Variants in MYH11 observed in about 807,000 individuals in gnomAD.
The protein encoded by MYH11 is myosin-11.
In MYH11, 80 loss-of-function variants were observed where a neutral mutation model predicts 246.6. That is an observed-to-expected ratio of 0.32 (90% CI 0.27 to 0.39). The LOEUF is 0.39. Ranked by LOEUF, MYH11 falls within the 10% of genes least tolerant of loss-of-function variation. The probability of loss-of-function intolerance (pLI) is 1.00; values close to 1 mark genes in which losing one functional copy is unlikely to be tolerated. For missense variants in MYH11, 2,158 were observed against 2,546.8 expected (o/e 0.85, Z 3.29); for synonymous variants, 1,071 against 1,015.5 (o/e 1.05, Z -1.04).
Position 15,784,730 on chromosome 16 carries a change from C to T in MYH11, c.633+1900G>A, listed in dbSNP as rs371799677. ...AAAGATGGGCCTTGCTGTGGTTGAA[C>T]AACACAGTATAAAACAAATGTCAGC... On this transcript the variant is annotated intron_variant, in intron 5 of 40. Transcript: ENST00000300036. 203 of 1,613,734 alleles carry T rather than the reference C, an allele frequency of 1.3e-4. No homozygotes were observed. The highest frequency in any genetic ancestry group is 1.6e-4 in the Non-Finnish European group (194 of 1,179,812).
At chr16:15,736,739 G>A (rs1167642182) in intron 25 of MYH11, among the ~76,000 whole-genome samples, 1 of 152,158 alleles carries the variant, frequency 6.6e-6, no homozygotes, top group African/African-American at 2.4e-5. Flanking sequence ...TAGAAGCAAT[G>A]ACATTGCTCC....
intron 19 of MYH11, 75 bp downstream of exon 19, chr16:15,747,495 T>C: frequency 3.2e-6 from 5 of 1,576,868 alleles, no homozygotes; most frequent in Non-Finnish European, 4.4e-6. Flanking sequence ...CCTCTTAGAA[T>C]CAGGGAATCA....
chr16:15,708,945 T>G lies in MYH11; in HGVS notation c.5787-4822A>C. ...AAGACATTTGCTTCGATTTAATAAT[T>G]AAAGGCACTCTTTTTTATTTTGAGA... On this transcript the variant is annotated intron_variant, in intron 40 of 40. Transcript: ENST00000300036. The G allele has an allele frequency of 3.3e-6, 4 of 1,195,954 alleles. No individual in the cohort carries two copies. In the East Asian group the frequency reaches 1.0e-4, roughly 30 times the overall value. The allele number at this position is 1,195,954 out of a possible 1,614,324, so 74.1% of individuals were successfully genotyped here. A position where few individuals can be genotyped will look rare whatever the true frequency, so the allele number is the denominator to read the frequency against.
At chr16:15,757,633 T>C (rs552668576) in intron 13 of MYH11, among the ~76,000 whole-genome samples, 194 bp downstream of exon 13, 1 of 151,596 alleles carries the variant, frequency 6.6e-6, no homozygotes, top group South Asian at 2.1e-4. Context: ...AAAATACCTT[T>C]GATATGAAAA....
chr16:15,784,511 C>A (rs1324986797), intron 5 of MYH11, among the ~76,000 whole-genome samples: 2 of 152,006 alleles, frequency 1.3e-5, no homozygotes, highest in African/African-American at 2.4e-5. Context: ...ACCCCCACAC[C>A]CTTCCCTGGC....
intron 28 of MYH11, chr16:15,726,433 C>T (rs960333881): frequency 5.7e-5 from 13 of 226,122 alleles, no homozygotes; most frequent in Admixed American, 1.0e-4. Flanking sequence ...TACAATGGTG[C>T]GGTCTCCGCA....
intron 28 of MYH11, chr16:15,725,348 A>G (rs1286437352): frequency 1.8e-6 from 1 of 559,848 alleles, no homozygotes; most frequent in East Asian, 3.0e-5. Flanking sequence ...CTGAGAGTCC[A>G]GACGAGGTGC....
intron 14 of MYH11, among the ~76,000 whole-genome samples, chr16:15,755,639 A>G (rs1317479098): frequency 6.6e-6 from 1 of 152,150 alleles, no homozygotes; most frequent in Non-Finnish European, 1.5e-5. Flanking sequence ...TAATTTAAAA[A>G]TTTAGCTGGG....
In MYH11 at chr16:15,724,404, G is replaced by A. The variant is rs377329568; in HGVS notation, c.4122C>T (p.Ser1374=). 84 of 1,613,808 alleles carry A rather than the reference G, an allele frequency of 5.2e-5. No homozygotes were observed. In the South Asian group the frequency reaches 5.7e-4, roughly 11 times the overall value. The part of the protein sequence containing the change: ...RHISTLNIQL[S]DSKKKLQDFA... ...AGTCCTGCAGCTTCTTCTTCGAGTC[G>A]GAGAGCTACAAGGACAGCGTCCAGG... Residue 1374 remains serine, a synonymous_variant, in exon 31 of 41, where the codon TCC becomes TCT. Coordinates refer to ENST00000300036, the MANE Select transcript of MYH11 (RefSeq NM_002474.3).
At position 15,703,925 on chromosome 16, in the gene MYH11, G is replaced by GTT. The variant is rs5815842; in HGVS notation, c.*64_*65dup. The GTT allele has an allele frequency of 2.5e-6, 4 of 1,606,348 alleles. No homozygotes were observed. The African/African-American group carries it at 5.4e-5, about 22-fold the overall frequency. On this transcript the variant is annotated 3_prime_UTR_variant, in exon 41 of 41. Transcript: ENST00000300036. ...TTGCTTTGTTCTGGGTTGTTGTTGG[G>GTT]TTTTTTTTGTTTGTTTGTTTTGGTT...
At chr16:15,778,983 G>A (rs2042287119) in intron 6 of MYH11, 140 bp from the exon 7 acceptor site, 2 of 822,296 alleles carry the variant, frequency 2.4e-6, no homozygotes, top group Non-Finnish European at 4.2e-6. Context: ...GAACCCCACA[G>A]GTCAAGTTGT....
intron 9 of MYH11, among the ~76,000 whole-genome samples, chr16:15,768,519 T>G (rs2042031529): frequency 6.6e-6 from 1 of 152,160 alleles, no homozygotes; most frequent in Non-Finnish European, 1.5e-5. Flanking sequence ...ATGGGGTTGG[T>G]GTACATTTAG....
intron 8 of MYH11, chr16:15,775,824 TC>T (rs2042208669): frequency 1.8e-6 from 1 of 567,202 alleles, no homozygotes; most frequent in African/African-American, 1.9e-5. Context: ...GAGACATGAA[TC>T]ATTAATGATC....
Position 15,745,153 on chromosome 16 carries a change from C to G in MYH11, c.2496G>C (p.Trp832Cys), listed in dbSNP as rs369196744. Residue 832 changes from tryptophan to cysteine, a missense_variant, in exon 20 of 41, where the codon TGG becomes TGC. Physicochemically the swap from Trp to Cys is radical, Grantham distance 215 (BLOSUM62 -2). This residue lies in a region of MYH11 where 90 missense variants were observed against 144.2 expected (regional missense o/e 0.62). Transcript: ENST00000300036. ...CTTTGGTGAAAAGCCTCCACCACTG[C>G]CAGTTCCGCAGCTTGAGGTAGGCGG... is the stretch of plus-strand genomic sequence containing the variant. ...NCAAYLKLRN[W>C]QWWRLFTKVK... 6.1e-5 allele frequency: 98 copies of G among 1,614,046 alleles called. No individual in the cohort carries two copies. The highest frequency in any genetic ancestry group is 7.7e-5 in the Non-Finnish European group (91 of 1,180,034).
In MYH11 at chr16:15,747,596, C is replaced by G; in HGVS notation, c.2385G>C (p.Ala795=). Residue 795 remains alanine, a synonymous_variant, in exon 19 of 41, where the codon GCG becomes GCC. Coordinates refer to ENST00000300036, the MANE Select transcript of MYH11 (RefSeq NM_002474.3). ...TTCTGGCCAAGTAGCCACGACACAT[C>G]GCCTGGAAGGCCATGATGACATCGG... ...KITDVIMAFQ[A]MCRGYLARKA... 6.2e-7 allele frequency: 1 copy of G among 1,614,114 alleles called. No homozygotes were observed. Among genetic ancestry groups the G allele is most frequent in the Non-Finnish European group, 8.5e-7 (1 of 1,180,006 alleles).
chr16:15,731,249 C>A (rs58807953), intron 27 of MYH11, among the ~76,000 whole-genome samples: 17,195 of 152,138 alleles, frequency 0.11, 2,639 homozygotes, highest in African/African-American at 0.35. Context: ...TGATAGGCCC[C>A]ACCCATCCTA....
intron 3 of MYH11, among the ~76,000 whole-genome samples, chr16:15,803,640 C>A (rs2042941476): frequency 6.6e-6 from 1 of 152,200 alleles, no homozygotes; most frequent in Non-Finnish European, 1.5e-5. Flanking sequence ...CCGGCCCAGA[C>A]AACCTCCACT....
chr16:15,754,844 A>T (rs994694471), intron 14 of MYH11, among the ~76,000 whole-genome samples: 16 of 152,100 alleles, frequency 1.1e-4, no homozygotes, highest in African/African-American at 2.2e-4. Context: ...TAATTTTTAA[A>T]TTTTTTTTAT....
intron 36 of MYH11, 83 bp from the exon 37 acceptor site, chr16:15,718,521 G>A: frequency 6.6e-7 from 1 of 1,504,488 alleles, no homozygotes; most frequent in African/African-American, 1.4e-5. Flanking sequence ...TGCCTCAGGG[G>A]TATTGCCCTC....
Sources: allele counts gnomAD v4.1 joint callset (sites outside exome capture counted in the v4.1 genomes callset), GRCh38; gene constraint gnomAD v4.1.1; regional missense constraint gnomAD v4.1.1; transcripts MANE v1.5; gene names NCBI Gene and HGNC (gene_info 2026-07-23, HGNC 2026-07-21).